IBTK: variants seen among roughly 807,000 people sequenced by gnomAD.
The protein encoded by IBTK is inhibitor of Bruton tyrosine kinase.
In IBTK, 83 loss-of-function variants were observed where a neutral mutation model predicts 154.9. That is an observed-to-expected ratio of 0.54 (90% CI 0.45 to 0.64). IBTK has a LOEUF of 0.64. IBTK is among the 30% of genes least tolerant of loss of function. IBTK has a pLI of 0.00. For missense variants in IBTK, 1,332 were observed against 1,584.6 expected, an observed-to-expected ratio of 0.84 and a Z score of 2.71; for synonymous variants, 515 against 536.1, an observed-to-expected ratio of 0.96 and a Z score of 0.54.
At chr6:82,227,744 C>T (rs548069) in intron 4 of IBTK, among the ~76,000 whole-genome samples, 107,696 of 151,874 alleles carry the variant, frequency 0.71, 38,530 homozygotes, top group East Asian at 0.96. Context: ...AGAGTGTTTT[C>T]AAAAAACAAT....
chr6:82,188,914 T>C (rs932534463), intron 25 of IBTK: 5 of 277,708 alleles, frequency 1.8e-5, no homozygotes, highest in South Asian at 6.4e-5. Flanking sequence ...TCTGTAATCC[T>C]AGCTATTCAG....
At chr6:82,200,394 T>C (rs1769157752) in intron 20 of IBTK, 141 bp from the exon 21 acceptor site, 5 of 738,978 alleles carry the variant, frequency 6.8e-6, no homozygotes, top group African/African-American at 1.8e-5. Context: ...CAGATATTAA[T>C]TATGTATTTA....
At chr6:82,184,116 A>G (rs773207860) in intron 25 of IBTK, among the ~76,000 whole-genome samples, 26 of 152,216 alleles carry the variant, frequency 1.7e-4, no homozygotes, top group South Asian at 4.1e-4. Context: ...GATTTCTTCA[A>G]TTATGTTTTA....
intron 26 of IBTK, among the ~76,000 whole-genome samples, chr6:82,181,313 T>C (rs902065288): frequency 2.0e-5 from 3 of 152,172 alleles, no homozygotes; most frequent in Non-Finnish European, 2.9e-5. Context: ...GATAAACACA[T>C]TGATGTGGTA....
chr6:82,185,227 T>G (rs1402661904), intron 25 of IBTK, among the ~76,000 whole-genome samples: 1 of 145,486 alleles, frequency 6.9e-6, no homozygotes, highest in Non-Finnish European at 1.5e-5. Flanking sequence ...ATCACAGTCA[T>G]GAATACATTC....
intron 2 of IBTK, among the ~76,000 whole-genome samples, chr6:82,236,446 C>T (rs901213305): frequency 6.6e-6 from 1 of 151,918 alleles, no homozygotes; most frequent in African/African-American, 2.4e-5. Flanking sequence ...GTAAGTAAAC[C>T]ACCAGTATAA....
chr6:82,207,666 AT>A (rs1769463439), intron 16 of IBTK, among the ~76,000 whole-genome samples: 1 of 152,194 alleles, frequency 6.6e-6, no homozygotes, highest in African/African-American at 2.4e-5. Context: ...GAAAACTCAC[AT>A]TTCCCAATTT....
chr6:82,176,539 A>AG (rs1768124099), intron 26 of IBTK, among the ~76,000 whole-genome samples: 1 of 151,526 alleles, frequency 6.6e-6, no homozygotes, highest in African/African-American at 2.4e-5. Flanking sequence ...AAAAAAAAAA[A>AG]AGAAACACAA....
chr6:82,225,429 G>T (rs764776658), intron 6 of IBTK, 48 bp downstream of exon 6: 1 of 1,489,758 alleles, frequency 6.7e-7, no homozygotes, highest in South Asian at 1.2e-5. Flanking sequence ...GTTCATACAG[G>T]TTTTATTGCA....
At chr6:82,237,185 C>G (rs537628298) in intron 2 of IBTK, among the ~76,000 whole-genome samples, 1 of 152,130 alleles carries the variant, frequency 6.6e-6, no homozygotes, top group Non-Finnish European at 1.5e-5. Flanking sequence ...GGCAGGAAAC[C>G]CAAACCCAGG....
intron 2 of IBTK, among the ~76,000 whole-genome samples, chr6:82,235,024 C>A (rs986503947): frequency 6.6e-6 from 1 of 151,894 alleles, no homozygotes; most frequent in African/African-American, 2.4e-5. Flanking sequence ...CCATACCCGG[C>A]TAATTTTTGT....
chr6:82,192,362 T>C (rs1400961088), intron 23 of IBTK, among the ~76,000 whole-genome samples: 2 of 152,104 alleles, frequency 1.3e-5, no homozygotes, highest in East Asian at 3.9e-4. Context: ...AAAACAAACA[T>C]TTAATAGAAA....
intron 2 of IBTK, 52 bp from the exon 3 acceptor site, chr6:82,234,307 C>CTA (rs1277515767): frequency 1.6e-6 from 1 of 644,620 alleles, no homozygotes; most frequent in Non-Finnish European, 2.3e-6. Context: ...TATTAATTAC[C>CTA]TATATCATCA....
In IBTK at chr6:82,214,720, C is replaced by A; in HGVS notation, c.1711G>T (p.Gly571Cys). The change falls in exon 12 of 29, where the codon GGC becomes TGC. Residue 571 changes from glycine to cysteine, a missense_variant. Gly to Cys is a radical substitution (Grantham distance 159). Coordinates refer to ENST00000306270, the MANE Select transcript of IBTK (RefSeq NM_015525.4). ...TTATGTGCAGGGAAGAGTCTATTGC[C>A]AACTTGAAATGTCACATCATGAATG... ...DSIHDVTFQV[G>C]NRLFPAHKYI... 4 of 1,614,038 alleles carry A rather than the reference C, an allele frequency of 2.5e-6. No homozygotes were observed. The highest frequency in any genetic ancestry group is 3.4e-6 in the Non-Finnish European group (4 of 1,179,990).
chr6:82,212,761 A>T lies in IBTK; in HGVS notation c.2237T>A (p.Ile746Asn). 6.3e-7 allele frequency: 1 copy of T among 1,594,678 alleles called. No homozygotes were observed. The highest frequency in any genetic ancestry group is 8.6e-7 in the Non-Finnish European group (1 of 1,162,880). Reference protein sequence around the residue: ...LDGVRFENEKINVIAKNTGNK... With the variant: ...LDGVRFENEKNNVIAKNTGNK... ...ACCAGTGTTCTTGGCAATAACATTAATTTTTTCATTTTCAAATCTGACTCC... is the reference window on the plus strand; with the variant it reads ...ACCAGTGTTCTTGGCAATAACATTATTTTTTTCATTTTCAAATCTGACTCC... Residue 746 changes from isoleucine to asparagine, a missense_variant, in exon 13 of 29, where the codon ATT becomes AAT. Physicochemically the swap from Ile to Asn is moderately radical, Grantham distance 149. This residue lies in a region of IBTK where 1,134 missense variants were observed against 1,274.7 expected (regional missense o/e 0.89). Coordinates refer to ENST00000306270, the MANE Select transcript of IBTK (RefSeq NM_015525.4).
chr6:82,176,796 T>TC (rs1768136106), intron 26 of IBTK, among the ~76,000 whole-genome samples: 1 of 151,282 alleles, frequency 6.6e-6, no homozygotes, highest in Non-Finnish European at 1.5e-5. Flanking sequence ...CTGAGATGAG[T>TC]CCCCCACCCC....
At chr6:82,196,604 G>A (rs985020410) in intron 21 of IBTK, among the ~76,000 whole-genome samples, 158 bp from the exon 22 acceptor site, 9 of 152,032 alleles carry the variant, frequency 5.9e-5, no homozygotes, top group African/African-American at 1.9e-4. Flanking sequence ...CAAGTTAACT[G>A]GAGAAAGAAA....
In IBTK at chr6:82,200,176, T is replaced by G; in HGVS notation, c.2990A>C (p.Asn997Thr). 6.2e-7 allele frequency: 1 copy of G among 1,612,930 alleles called. No homozygotes were observed. The highest frequency in any genetic ancestry group is 8.5e-7 in the Non-Finnish European group (1 of 1,179,320). Reference sequence around the variant, plus strand: ...TGGACTCTGAATAATATCTGAAAGGTTATAACCTCCAGAACTATCTGAACG... The same window carrying G: ...TGGACTCTGAATAATATCTGAAAGGGTATAACCTCCAGAACTATCTGAACG... ...RKRSDSSGGYNLSDIIQSPSS... is the reference protein window; with the variant it reads ...RKRSDSSGGYTLSDIIQSPSS... Residue 997 changes from asparagine to threonine, a missense_variant, in exon 21 of 29, where the codon AAC becomes ACC. By Grantham distance (65) the Asn-to-Thr change is moderately conservative. This residue lies in a region of IBTK where 1,134 missense variants were observed against 1,274.7 expected (regional missense o/e 0.89). Transcript: ENST00000306270.
chr6:82,204,185 G>A (rs1769314473), intron 17 of IBTK, among the ~76,000 whole-genome samples: 1 of 152,120 alleles, frequency 6.6e-6, no homozygotes, highest in African/African-American at 2.4e-5. Context: ...ACACTACTGT[G>A]ACACTACCCA....
Sources: gnomAD v4.1 joint callset for allele counts (sites outside exome capture counted in the v4.1 genomes callset) on GRCh38, gnomAD v4.1.1 for gene constraint, gnomAD v4.1.1 regional missense constraint, MANE v1.5 for transcripts, NCBI Gene and HGNC (gene_info 2026-07-23, HGNC 2026-07-21) for gene names.